Variants in CSMD1 observed in about 807,000 individuals in gnomAD.
CSMD1 encodes CUB and Sushi multiple domains 1.
A neutral mutation model predicts 417.5 loss-of-function variants in CSMD1; 213 were observed. That is an observed-to-expected ratio of 0.51 (90% CI 0.46 to 0.57). The LOEUF is 0.57. CSMD1 is among the 20% of genes least tolerant of loss of function. CSMD1 has a pLI of 0.00. For synonymous variants in CSMD1, 2,862 were observed against 1,736.8 expected, an observed-to-expected ratio of 1.65 and a Z score of -16.11; for missense variants, 6,923 against 4,529.7, an observed-to-expected ratio of 1.53 and a Z score of -15.17.
At chr8:4,130,424 A>G (rs1457501156) in intron 3 of CSMD1, among the ~76,000 whole-genome samples, 1 of 152,182 alleles carries the variant, frequency 6.6e-6, no homozygotes, top group African/African-American at 2.4e-5. Context: ...CCTCACCGTC[A>G]TCCTCAGTTT....
intron 1 of CSMD1, among the ~76,000 whole-genome samples, chr8:4,939,668 T>C (rs1807851479): frequency 6.6e-6 from 1 of 152,182 alleles, no homozygotes; most frequent in Non-Finnish European, 1.5e-5. Flanking sequence ...TGGGAGATAC[T>C]GGCCAAATGT....
intron 3 of CSMD1, among the ~76,000 whole-genome samples, chr8:4,310,674 A>G (rs912547336): frequency 6.6e-6 from 1 of 152,184 alleles, no homozygotes; most frequent in Non-Finnish European, 1.5e-5. Context: ...TAGGGGTGGC[A>G]AAACAAAGAC....
intron 3 of CSMD1, among the ~76,000 whole-genome samples, chr8:4,149,666 G>A (rs1401328460): frequency 1.3e-5 from 2 of 152,196 alleles, no homozygotes; most frequent in Non-Finnish European, 2.9e-5. Context: ...AGGATGCTAA[G>A]TGCTACACTG....
At chr8:4,986,665 C>T (rs1393018337) in intron 1 of CSMD1, among the ~76,000 whole-genome samples, 1 of 152,052 alleles carries the variant, frequency 6.6e-6, no homozygotes, top group East Asian at 1.9e-4. Flanking sequence ...GAAGTCTCCC[C>T]ATAATATAAA....
chr8:3,672,470 C>T (rs1014503649), intron 7 of CSMD1, among the ~76,000 whole-genome samples: 3 of 152,106 alleles, frequency 2.0e-5, no homozygotes, highest in Non-Finnish European at 2.9e-5. Context: ...GTTCAAAACA[C>T]GTGTAGGTCT....
chr8:3,198,792 C>T (rs1345994917), intron 33 of CSMD1, among the ~76,000 whole-genome samples: 1 of 152,126 alleles, frequency 6.6e-6, no homozygotes, highest in Non-Finnish European at 1.5e-5. Flanking sequence ...ATAATGTTTT[C>T]TGGAGGAATC....
chr8:4,044,637 G>GCA (rs1798054800), intron 3 of CSMD1, among the ~76,000 whole-genome samples: 1 of 120,694 alleles, frequency 8.3e-6, no homozygotes, highest in South Asian at 2.9e-4. Context: ...GAGACATAGC[G>GCA]CACCCTGTAC....
chr8:2,937,132 G>T lies in CSMD1; in HGVS notation c.*1453C>A, dbSNP rs1417127854. 6.6e-6 allele frequency: 1 copy of T among 151,950 alleles called. No individual in the cohort carries two copies. Among genetic ancestry groups the T allele is most frequent in the Non-Finnish European group, 1.5e-5 (1 of 67,982 alleles). The allele number at this position is 151,950 out of a possible 1,614,324, so 9.4% of individuals were successfully genotyped here. On this transcript the variant is annotated 3_prime_UTR_variant, in exon 70 of 70. Coordinates refer to ENST00000635120, the MANE Select transcript of CSMD1 (RefSeq NM_033225.6). ...GGCCACATCTTCTACTTCATGTTTT[G>T]ATTTTTATTTGCCCTGGGGATCTTA...
At chr8:4,782,684 C>T (rs1797212945) in intron 1 of CSMD1, among the ~76,000 whole-genome samples, 1 of 152,106 alleles carries the variant, frequency 6.6e-6, no homozygotes, top group Non-Finnish European at 1.5e-5. Flanking sequence ...CATACTTCTG[C>T]AGATGAGTAT....
At chr8:3,269,555 C>A (rs1255190054) in intron 26 of CSMD1, among the ~76,000 whole-genome samples, 5 of 152,198 alleles carry the variant, frequency 3.3e-5, no homozygotes, top group Admixed American at 1.3e-4. Context: ...GTAGCTGTTA[C>A]ATTACTACCA....
intron 10 of CSMD1, among the ~76,000 whole-genome samples, chr8:3,516,929 C>A (rs1208321248): frequency 6.6e-6 from 1 of 152,142 alleles, no homozygotes; most frequent in Admixed American, 6.5e-5. Flanking sequence ...AACCCAAATG[C>A]CCGTCAATCA....
chr8:3,403,725 T>A (rs1045562516), intron 15 of CSMD1, among the ~76,000 whole-genome samples: 1 of 152,202 alleles, frequency 6.6e-6, no homozygotes, highest in Non-Finnish European at 1.5e-5. Context: ...TCCAAGTCAG[T>A]GAAATATGCT....
intron 4 of CSMD1, among the ~76,000 whole-genome samples, chr8:4,005,642 T>C (rs1193742026): frequency 6.6e-6 from 1 of 152,182 alleles, no homozygotes; most frequent in African/African-American, 2.4e-5. Context: ...ACATAGGGTG[T>C]CTCCCATGGA....
At chr8:3,382,966 T>A (rs558917061) in intron 18 of CSMD1, among the ~76,000 whole-genome samples, 68 of 152,276 alleles carry the variant, frequency 4.5e-4, no homozygotes, top group African/African-American at 1.5e-3. Flanking sequence ...CTCACAGGCA[T>A]GGCCACTTAA....
chr8:4,390,497 T>TTTTTTAATTTATTTATTTATTTA (rs58291340), intron 3 of CSMD1, among the ~76,000 whole-genome samples: 53 of 140,324 alleles, frequency 3.8e-4, no homozygotes, highest in Admixed American at 8.6e-4. Context: ...AAGCGTCCAT[T>TTTTTTAATTTATTTATTTATTTA]TTTATTTATT....
At chr8:3,829,400 C>G (rs1802241170) in intron 5 of CSMD1, among the ~76,000 whole-genome samples, 1 of 152,122 alleles carries the variant, frequency 6.6e-6, no homozygotes, top group Non-Finnish European at 1.5e-5. Context: ...AGGTTTCAAC[C>G]TACAACAGTC....
At chr8:4,374,481 C>G (rs535995839) in intron 3 of CSMD1, among the ~76,000 whole-genome samples, 84 of 152,178 alleles carry the variant, frequency 5.5e-4, no homozygotes, top group African/African-American at 2.0e-3. Context: ...AGACAGCTTG[C>G]TACTGGCAGG....
At chr8:3,808,894 T>G (rs757016510) in intron 5 of CSMD1, among the ~76,000 whole-genome samples, 1 of 152,140 alleles carries the variant, frequency 6.6e-6, no homozygotes, top group Non-Finnish European at 1.5e-5. Context: ...TATCAGGGAT[T>G]TTAAACTTCT....
intron 3 of CSMD1, among the ~76,000 whole-genome samples, chr8:4,106,410 A>C (rs1801570805): frequency 6.6e-6 from 1 of 152,212 alleles, no homozygotes; most frequent in Non-Finnish European, 1.5e-5. Flanking sequence ...ATATTATACA[A>C]GTCATTTCCA....
Sources: allele counts gnomAD v4.1 joint callset (sites outside exome capture counted in the v4.1 genomes callset), GRCh38; gene constraint gnomAD v4.1.1; transcripts MANE v1.5; gene names NCBI Gene and HGNC (gene_info 2026-07-23, HGNC 2026-07-21).